Variants in CACNA1E observed in about 807,000 individuals in gnomAD.
CACNA1E encodes voltage-dependent R-type calcium channel subunit alpha-1E.
A neutral mutation model predicts 259.2 loss-of-function variants in CACNA1E; 40 were observed. The ratio of observed to expected loss-of-function variants is 0.15; its 90% CI spans 0.12 to 0.20. CACNA1E has a LOEUF of 0.20. Among genes scored for constraint, CACNA1E ranks in the 10% least tolerant of loss-of-function variants. CACNA1E has a pLI of 1.00. For missense variants in CACNA1E, 1,874 were observed against 3,040.1 expected (o/e 0.62, Z 9.02); for synonymous variants, 1,104 against 1,138.5 (o/e 0.97, Z 0.61).
chr1:181,529,972 T>A (rs1328155804), intron 3 of CACNA1E, among the ~76,000 whole-genome samples: 1 of 152,176 alleles, frequency 6.6e-6, no homozygotes, highest in African/African-American at 2.4e-5. Flanking sequence ...TGTGAGGACA[T>A]GAGATTTGGA....
intron 2 of CACNA1E, among the ~76,000 whole-genome samples, chr1:181,453,624 C>G (rs1661287933): frequency 6.6e-6 from 1 of 152,202 alleles, no homozygotes; most frequent in Non-Finnish European, 1.5e-5. Context: ...TAAGTAACTT[C>G]TCTTTTATAT....
intron 1 of CACNA1E, among the ~76,000 whole-genome samples, chr1:181,366,128 G>C (rs925806022): frequency 1.3e-5 from 2 of 152,114 alleles, no homozygotes; most frequent in East Asian, 3.9e-4. Context: ...ACTCCCCTTG[G>C]GGACCTGGTT....
chr1:181,450,412 T>G (rs1314800368), intron 2 of CACNA1E, among the ~76,000 whole-genome samples: 1 of 125,408 alleles, frequency 8.0e-6, no homozygotes, highest in Non-Finnish European at 1.6e-5. Flanking sequence ...GATTTTCAGG[T>G]GAAGGGGGAT....
rs557204743 is a variant in CACNA1E at position 181,382,971 on chromosome 1, C to T, written c.-14-30162C>T. On this transcript the variant is annotated intron_variant, in intron 1 of 11. Transcript: ENST00000524607. ...CCAGAGACTGGCTCTGAGTACACAG[C>T]CAGCCATCTTGTCTTAAGACAAGGC... Among the ~76,000 whole-genome samples, 200 of 152,274 alleles carry T rather than the reference C, an allele frequency of 1.3e-3. 1 individual carries two copies. Among genetic ancestry groups the T allele is most frequent in the Non-Finnish European group, 1.0e-3 (70 of 68,026 alleles).
chr1:181,543,557 T>C (rs752639495), intron 3 of CACNA1E, among the ~76,000 whole-genome samples: 6 of 152,218 alleles, frequency 3.9e-5, no homozygotes, highest in Admixed American at 3.9e-4. Context: ...CATCTCTCTC[T>C]GTCATGTGAG....
In CACNA1E at chr1:181,440,900, G is replaced by C. The variant is rs1284535438; in HGVS notation, c.434+27320G>C. On this transcript the variant is annotated intron_variant, in intron 2 of 11. Transcript: ENST00000524607. ...GGAAGCTGAGGTGGAAGGATCGCTT[G>C]AGCCTGGGAGGTCGAGGCTGCAGTG... Among the ~76,000 whole-genome samples the C allele has an allele frequency of 2.0e-5, 3 of 149,480 alleles. No homozygotes were observed. In the East Asian group the frequency reaches 6.0e-4, roughly 30 times the overall value.
intron 6 of CACNA1E, among the ~76,000 whole-genome samples, chr1:181,597,210 T>A (rs1653268132): frequency 6.6e-6 from 1 of 152,160 alleles, no homozygotes; most frequent in Admixed American, 6.5e-5. Flanking sequence ...TCAGAGGAGT[T>A]TATCACCTCC....
At chr1:181,407,578 G>A (rs913896090) in intron 1 of CACNA1E, among the ~76,000 whole-genome samples, 8 of 152,178 alleles carry the variant, frequency 5.3e-5, no homozygotes, top group African/African-American at 1.7e-4. Context: ...CAATGTAGAT[G>A]GTTCTGATGT....
At chr1:181,579,949 C>A (rs1437799558) in intron 5 of CACNA1E, among the ~76,000 whole-genome samples, 1 of 152,194 alleles carries the variant, frequency 6.6e-6, no homozygotes, top group Non-Finnish European at 1.5e-5. Context: ...TTAGGGTACA[C>A]AACCCCAAAT....
chr1:181,482,653 T>G (rs773013743), upstream of CACNA1E, among the ~76,000 whole-genome samples: 60 of 151,862 alleles, frequency 4.0e-4, no homozygotes, highest in Non-Finnish European at 8.1e-4. Flanking sequence ...CTGCCTCGCC[T>G]CCCCATTCTC....
chr1:181,585,867 A>T (rs1326704757), intron 6 of CACNA1E, among the ~76,000 whole-genome samples: 1 of 152,184 alleles, frequency 6.6e-6, no homozygotes, highest in Non-Finnish European at 1.5e-5. Context: ...GATCATGTGG[A>T]GCCCTGAAGG....
At chr1:181,523,275 A>G (rs1667122296) in intron 3 of CACNA1E, among the ~76,000 whole-genome samples, 1 of 152,224 alleles carries the variant, frequency 6.6e-6, no homozygotes, top group Non-Finnish European at 1.5e-5. Flanking sequence ...GACTGGTCTG[A>G]ACTCTAAGCA....
At position 181,736,407 on chromosome 1, in the gene CACNA1E, C is replaced by G; in HGVS notation, c.3395C>G (p.Ser1132Ter). 1 of 1,612,768 alleles carries G rather than the reference C, an allele frequency of 6.2e-7. No individual in the cohort carries two copies. Among genetic ancestry groups the G allele is most frequent in the Non-Finnish European group, 8.5e-7 (1 of 1,179,392 alleles). The change falls in exon 22 of 48, where the codon TCA becomes TGA. Residue 1132 changes from serine to a stop codon, truncating the protein, a stop_gained. Transcript: ENST00000367573. LOFTEE classifies it high-confidence loss of function. ...GGCAAAGCCATGGTGCCCCACAGCT[C>G]AATGTTCATCTTCAGCACCACCAAC... is the stretch of plus-strand genomic sequence containing the variant. ...ETGKAMVPHSSMFIFSTTNPI... is the reference protein window; with the variant it reads ...ETGKAMVPHS
chr1:181,790,026 T>C (rs73045167), intron 43 of CACNA1E, among the ~76,000 whole-genome samples: 4,549 of 152,318 alleles, frequency 0.03, 169 homozygotes, highest in African/African-American at 0.087. Context: ...TAAGACCATA[T>C]TCTTACTGCG....
At chr1:181,790,643 C>A in intron 44 of CACNA1E, 87 bp downstream of exon 44, 1 of 872,974 alleles carries the variant, frequency 1.1e-6, no homozygotes, top group Non-Finnish European at 1.9e-6. Context: ...CATGGTCCGT[C>A]AGGAAAATCC....
At chr1:181,677,342 G>A (rs1414275622) in intron 7 of CACNA1E, among the ~76,000 whole-genome samples, 1 of 152,146 alleles carries the variant, frequency 6.6e-6, no homozygotes, top group East Asian at 1.9e-4. Flanking sequence ...AAGGAAAATT[G>A]TATACTGATC....
rs561406933 is a variant in CACNA1E, at chr1:181,763,630, G to T, written c.4815+99G>T. ...ACCCAAGTCCCTTCACCTCTGGGAA[G>T]CTGAAGCTAGTAGAACGGGTGTTTG... On this transcript the variant is annotated intron_variant, in intron 34 of 47. Transcript: ENST00000367573. 2.4e-5 allele frequency: 21 copies of T among 875,454 alleles called. No individual in the cohort carries two copies. The African/African-American group carries it at 2.9e-4, about 12-fold the overall frequency. The allele number at this position is 875,454 out of a possible 1,614,324, so 54.2% of individuals were successfully genotyped here.
chr1:181,423,662 A>ATGTTTTTTTT (rs1430665143), intron 2 of CACNA1E, among the ~76,000 whole-genome samples: 13 of 131,056 alleles, frequency 9.9e-5, no homozygotes, highest in African/African-American at 3.7e-4. Context: ...CATTGGGCCA[A>ATGTTTTTTTT]TTTTTTTTTT....
intron 2 of CACNA1E, among the ~76,000 whole-genome samples, chr1:181,464,830 C>A (rs1662055024): frequency 6.6e-6 from 1 of 152,092 alleles, no homozygotes; most frequent in South Asian, 2.1e-4. Flanking sequence ...TCCGTGTTCC[C>A]TGTGAACACC....
Sources: gnomAD v4.1 joint callset for allele counts (sites outside exome capture counted in the v4.1 genomes callset) on GRCh38, gnomAD v4.1.1 for gene constraint, MANE v1.5 for transcripts, NCBI Gene and HGNC (gene_info 2026-07-23, HGNC 2026-07-21) for gene names.